EGFR: variants seen among roughly 807,000 people sequenced by gnomAD.
The protein encoded by EGFR is avian erythroblastic leukemia viral (v-erb-b) oncogene homolog.
In EGFR, 58 loss-of-function variants were observed where a neutral mutation model predicts 143.0. The observed-to-expected ratio is 0.41, with a 90% CI of 0.33 to 0.50. The LOEUF is 0.50. Among genes scored for constraint, EGFR ranks in the 20% least tolerant of loss-of-function variants. The probability of loss-of-function intolerance (pLI) is 0.39; values close to 1 mark genes in which losing one functional copy is unlikely to be tolerated. For missense variants in EGFR, 1,307 were observed against 1,579.0 expected, an observed-to-expected ratio of 0.83 and a Z score of 2.92; for synonymous variants, 613 against 594.4, an observed-to-expected ratio of 1.03 and a Z score of -0.45.
At chr7:55,114,602 T>A (rs1323921948) in intron 1 of EGFR, among the ~76,000 whole-genome samples, 2 of 152,184 alleles carry the variant, frequency 1.3e-5, no homozygotes, top group African/African-American at 4.8e-5. Flanking sequence ...ATTGGACTTT[T>A]AGTACCTTTT....
At chr7:55,191,647 G>A (rs1283449622) in intron 20 of EGFR, 72 bp from the exon 21 acceptor site, 1 of 1,602,050 alleles carries the variant, frequency 6.2e-7, no homozygotes, top group African/African-American at 1.3e-5. Context: ...GCATGAACAT[G>A]ACCCTGAATT....
chr7:55,151,651 G>A (rs750666764), intron 5 of EGFR, among the ~76,000 whole-genome samples: 4 of 152,266 alleles, frequency 2.6e-5, no homozygotes, highest in Admixed American at 1.3e-4. Context: ...GGAGGCGGTC[G>A]GATCACGAGG....
rs113067943 is a variant in EGFR at position 55,038,466 on chromosome 7, G to A, written c.88+19101G>A. The stretch of plus-strand genomic sequence containing the variant: ...AGCTTGTCCCACCAGAGGCTCGCTT[G>A]TTTCATTGAGCACCTACTGTGTGCT... On this transcript the variant is annotated intron_variant, in intron 1 of 27. Coordinates refer to ENST00000275493, the MANE Select transcript of EGFR (RefSeq NM_005228.5). Among the ~76,000 whole-genome samples, 1,047 of 152,288 alleles carry A rather than the reference G, an allele frequency of 6.9e-3. 9 individuals are homozygous for A. The highest frequency in any genetic ancestry group is 0.031 in the Middle Eastern group (9 of 294).
chr7:55,139,622 A>G (rs1584136171), intron 1 of EGFR, among the ~76,000 whole-genome samples: 1 of 152,330 alleles, frequency 6.6e-6, no homozygotes, highest in African/African-American at 2.4e-5. Context: ...CCTTATATTG[A>G]ATCAAATAGC....
At chr7:55,058,568 G>A (rs966591635) in intron 1 of EGFR, among the ~76,000 whole-genome samples, 17 of 152,156 alleles carry the variant, frequency 1.1e-4, no homozygotes, top group African/African-American at 3.4e-4. Flanking sequence ...GGACATGGAT[G>A]GAACTGCAGG....
Position 55,146,754 on chromosome 7 carries a change from A to G in EGFR, c.559+14A>G, listed in dbSNP as rs2128929701. On this transcript the variant is annotated intron_variant, in intron 4 of 27. Coordinates refer to ENST00000275493, the MANE Select transcript of EGFR (RefSeq NM_005228.5). ...ACCTGGGCAGCTGTAAGTGTCGCAT[A>G]CACACTATCTCTGCCTCCAGCTCCT... 1 of 1,614,148 alleles carries G rather than the reference A, an allele frequency of 6.2e-7. No individual in the cohort carries two copies. Among genetic ancestry groups the G allele is most frequent in the Non-Finnish European group, 8.5e-7 (1 of 1,180,024 alleles).
At chr7:55,040,508 G>A (rs1400948577) in intron 1 of EGFR, among the ~76,000 whole-genome samples, 1 of 152,124 alleles carries the variant, frequency 6.6e-6, no homozygotes, top group Non-Finnish European at 1.5e-5. Context: ...TTTACTCATT[G>A]CTGTATTTTT....
At chr7:55,061,778 C>G (rs1789198420) in intron 1 of EGFR, among the ~76,000 whole-genome samples, 1 of 152,130 alleles carries the variant, frequency 6.6e-6, no homozygotes, top group African/African-American at 2.4e-5. Flanking sequence ...CTGACTCTGA[C>G]TTAATCTACT....
At chr7:55,038,395 G>A (rs1204069181) in intron 1 of EGFR, among the ~76,000 whole-genome samples, 1 of 152,212 alleles carries the variant, frequency 6.6e-6, no homozygotes, top group Non-Finnish European at 1.5e-5. Context: ...AAAGACAGAA[G>A]ATGTGGACTA....
chr7:55,211,541 TTGAG>T lies in EGFR; in HGVS notation c.*5926_*5929del, dbSNP rs1387773087. 8 of 152,198 alleles carry T rather than the reference TTGAG, an allele frequency of 5.3e-5. No homozygotes were observed. The South Asian group carries it at 1.2e-3, about 24-fold the overall frequency. 9.4% of individuals were successfully genotyped at this position (152,198 alleles called of 1,614,324 possible). ...GTTGATCAGAAATGTTGATTGTGCA[TTGAG>T]TATTAAAAAATTAGATGTATATTAT... On this transcript the variant is annotated 3_prime_UTR_variant, in exon 28 of 28. Transcript: ENST00000275493.
intron 22 of EGFR, among the ~76,000 whole-genome samples, chr7:55,196,353 C>G (rs1787619507): frequency 6.6e-6 from 1 of 151,870 alleles, no homozygotes; most frequent in African/African-American, 2.4e-5. Flanking sequence ...CCTTTGCCCA[C>G]TTTTTAATGG....
At chr7:55,087,845 C>T (rs1327581626) in intron 1 of EGFR, among the ~76,000 whole-genome samples, 3 of 152,132 alleles carry the variant, frequency 2.0e-5, no homozygotes, top group African/African-American at 7.2e-5. Context: ...ATGGCCTTCC[C>T]ACCCTCCCTC....
At chr7:55,033,997 C>T (rs1424096351) in intron 1 of EGFR, among the ~76,000 whole-genome samples, 1 of 152,020 alleles carries the variant, frequency 6.6e-6, no homozygotes. Flanking sequence ...TTTTCTCTTG[C>T]TCTGCTTTCT....
At chr7:55,081,213 A>T (rs958721294) in intron 1 of EGFR, among the ~76,000 whole-genome samples, 5 of 152,234 alleles carry the variant, frequency 3.3e-5, no homozygotes, top group Non-Finnish European at 7.3e-5. Context: ...AATGGAAATG[A>T]TTAACAGGGC....
chr7:55,050,338 C>T (rs1004209391), intron 1 of EGFR, among the ~76,000 whole-genome samples: 2 of 152,180 alleles, frequency 1.3e-5, no homozygotes, highest in African/African-American at 2.4e-5. Context: ...GTGGATCATA[C>T]AATGTATCTG....
intron 1 of EGFR, among the ~76,000 whole-genome samples, chr7:55,038,308 C>A (rs1396639273): frequency 6.6e-6 from 1 of 152,124 alleles, no homozygotes; most frequent in Non-Finnish European, 1.5e-5. Context: ...TGGTAGTGTG[C>A]AAATGATGTG....
chr7:55,087,284 CA>C (rs55890622), intron 1 of EGFR, among the ~76,000 whole-genome samples: 51 of 117,666 alleles, frequency 4.3e-4, no homozygotes, highest in Non-Finnish European at 6.3e-4. Context: ...AAAAAAAAAA[CA>C]AAAAAAAAAA....
intron 1 of EGFR, among the ~76,000 whole-genome samples, chr7:55,116,791 C>T (rs112436261): frequency 1.9e-4 from 29 of 152,344 alleles, no homozygotes; most frequent in African/African-American, 4.3e-4. Context: ...TTTCACTCAA[C>T]ATTATGTGTT....
intron 20 of EGFR, among the ~76,000 whole-genome samples, chr7:55,185,275 G>A (rs371355392): frequency 6.6e-6 from 1 of 152,176 alleles, no homozygotes; most frequent in Non-Finnish European, 1.5e-5. Flanking sequence ...AACCATCTCA[G>A]GAGCTTGCGG....
Sources: gnomAD v4.1 joint callset for allele counts (sites outside exome capture counted in the v4.1 genomes callset) on GRCh38, gnomAD v4.1.1 for gene constraint, MANE v1.5 for transcripts, NCBI Gene and HGNC (gene_info 2026-07-23, HGNC 2026-07-21) for gene names.